The following RABGAP1L variants were observed in gnomAD, a reference collection of about 807,000 sequenced individuals.
RABGAP1L encodes rab GTPase-activating protein 1-like.
Under a neutral mutation model 137.7 loss-of-function variants are expected in RABGAP1L, and 63 were observed. The ratio of observed to expected loss-of-function variants is 0.46; its 90% CI spans 0.37 to 0.56. RABGAP1L has a LOEUF of 0.56. Among genes scored for constraint, RABGAP1L ranks in the 20% least tolerant of loss-of-function variants. The pLI, the probability that RABGAP1L is intolerant of heterozygous loss-of-function variation, is 0.00. For synonymous variants in RABGAP1L, 431 were observed against 433.7 expected (o/e 0.99, Z 0.08); for missense variants, 1,095 against 1,244.0 (o/e 0.88, Z 1.80).
intron 3 of RABGAP1L, among the ~76,000 whole-genome samples, chr1:174,224,797 A>G (rs1204663394): frequency 1.3e-5 from 2 of 152,022 alleles, no homozygotes; most frequent in Admixed American, 6.6e-5. Context: ...TCTTGTCTCC[A>G]TTGTTTCTGA....
At position 174,637,507 on chromosome 1, in the gene RABGAP1L, C is replaced by G. The variant is rs775016401; in HGVS notation, c.1824+19C>G. 3 of 1,511,092 alleles carry G rather than the reference C, an allele frequency of 2.0e-6. No individual in the cohort carries two copies. Among genetic ancestry groups the G allele is most frequent in the Non-Finnish European group, 2.7e-6 (3 of 1,091,328 alleles). 93.6% of individuals were successfully genotyped at this position (1,511,092 alleles called of 1,614,324 possible). ...CTGCAAGGTAGGACTCTCTTCCTCA[C>G]TTTTTCTAAATTATTTTACAGAGCT... On this transcript the variant is annotated intron_variant, in intron 14 of 25. Coordinates refer to ENST00000681986, the MANE Select transcript of RABGAP1L (RefSeq NM_001366446.1).
chr1:174,349,478 C>T (rs1452951437), intron 11 of RABGAP1L, among the ~76,000 whole-genome samples: 3 of 130,936 alleles, frequency 2.3e-5, no homozygotes, highest in African/African-American at 2.9e-5. Flanking sequence ...ACCTCCCTCC[C>T]AGACAGGGCG....
At chr1:174,474,881 G>A (rs779856156) in intron 13 of RABGAP1L, among the ~76,000 whole-genome samples, 2 of 152,058 alleles carry the variant, frequency 1.3e-5, no homozygotes, top group South Asian at 2.1e-4. Flanking sequence ...GATTACAGGC[G>A]TGAGCCACTG....
At chr1:174,341,915 A>G (rs1312273243) in intron 11 of RABGAP1L, among the ~76,000 whole-genome samples, 1 of 152,186 alleles carries the variant, frequency 6.6e-6, no homozygotes, top group African/African-American at 2.4e-5. Context: ...GATAAGTACA[A>G]CCAGCCTTTA....
intron 20 of RABGAP1L, among the ~76,000 whole-genome samples, chr1:174,963,553 T>C (rs1458377467): frequency 6.6e-6 from 1 of 152,014 alleles, no homozygotes; most frequent in Non-Finnish European, 1.5e-5. Flanking sequence ...TTTTCTTTTC[T>C]GTTTAAGTAT....
intron 13 of RABGAP1L, among the ~76,000 whole-genome samples, chr1:174,560,271 G>A (rs1406770646): frequency 6.6e-6 from 1 of 151,972 alleles, no homozygotes; most frequent in Admixed American, 6.6e-5. Flanking sequence ...ACTAAACTGT[G>A]TCTCCACCTT....
chr1:174,892,390 C>T (rs1021263917), intron 19 of RABGAP1L: 7 of 375,814 alleles, frequency 1.9e-5, no homozygotes, highest in Non-Finnish European at 3.1e-5. Context: ...ATTTCCAGCT[C>T]CACCACTATA....
intron 13 of RABGAP1L, among the ~76,000 whole-genome samples, chr1:174,478,561 A>G (rs1398606480): frequency 2.0e-5 from 3 of 152,124 alleles, no homozygotes; most frequent in African/African-American, 4.8e-5. Context: ...TTTAAAAACC[A>G]GGCACCACAT....
intron 11 of RABGAP1L, among the ~76,000 whole-genome samples, chr1:174,325,931 G>C (rs1680400808): frequency 6.6e-6 from 1 of 152,214 alleles, no homozygotes; most frequent in East Asian, 1.9e-4. Context: ...ATGGCCTAGG[G>C]GCCCTTCAGG....
At chr1:174,470,971 T>C (rs12058377) in intron 13 of RABGAP1L, among the ~76,000 whole-genome samples, 53,448 of 151,758 alleles carry the variant, frequency 0.35, 12,064 homozygotes, top group African/African-American at 0.64. Context: ...ACATTACATA[T>C]TAAGCTTTTT....
At chr1:174,851,420 A>G (rs1278276096) in intron 19 of RABGAP1L, among the ~76,000 whole-genome samples, 6 of 136,430 alleles carry the variant, frequency 4.4e-5, no homozygotes, top group African/African-American at 1.3e-4. Flanking sequence ...ACTTTCTCCA[A>G]TTGTGCAGAG....
rs748961622 is a variant in RABGAP1L, at chr1:174,429,888, A to G, written c.1710+35743A>G. On this transcript the variant is annotated intron_variant, in intron 13 of 25. Transcript: ENST00000681986. ...CAGCCATTTCCAGCCAAGTTAGTCT[A>G]TAAATACTGGGGAAATGTGTCATGT... 9.8e-5 allele frequency among the ~76,000 whole-genome samples: 15 copies of G among 152,322 alleles called. 1 individual carries two copies. The East Asian group carries it at 2.7e-3, about 27-fold the overall frequency.
Position 174,761,370 on chromosome 1 carries a change from C to T in RABGAP1L, c.2211+9016C>T, listed in dbSNP as rs576267783. ...GGCGCTCCTCACTTGCCAGACAGTG[C>T]GGGGGCCAGGGAGAGGCACTCCTCA... On this transcript the variant is annotated intron_variant, in intron 18 of 25. Coordinates refer to ENST00000681986, the MANE Select transcript of RABGAP1L (RefSeq NM_001366446.1). This position sits in a 1 kb window ranked among gnomAD's most constrained non-coding sequence, Gnocchi z 4.0. Among the ~76,000 whole-genome samples the T allele has an allele frequency of 5.3e-5, 8 of 152,234 alleles. No individual in the cohort carries two copies. Among genetic ancestry groups the T allele is most frequent in the South Asian group, 2.1e-4 (1 of 4,822 alleles).
chr1:174,607,828 T>A (rs1476838730), intron 13 of RABGAP1L, among the ~76,000 whole-genome samples: 6 of 152,208 alleles, frequency 3.9e-5, no homozygotes, highest in Admixed American at 6.5e-5. Flanking sequence ...AAATGTGTGT[T>A]TTAGAAACCT....
In RABGAP1L at chr1:174,978,910, C is replaced by A; in HGVS notation, c.2733+20C>A. 1 of 1,482,760 alleles carries A rather than the reference C, an allele frequency of 6.7e-7. No individual in the cohort carries two copies. The allele number at this position is 1,482,760 out of a possible 1,614,324, so 91.9% of individuals were successfully genotyped here. On this transcript the variant is annotated intron_variant, in intron 23 of 25. Transcript: ENST00000681986. ...AAACAGGTAATGTACTTCTGTGGCACATAGAGCTAGTTATAGTTTGCTGCT... is the reference window on the plus strand; with the variant it reads ...AAACAGGTAATGTACTTCTGTGGCAAATAGAGCTAGTTATAGTTTGCTGCT...
intron 13 of RABGAP1L, among the ~76,000 whole-genome samples, chr1:174,413,757 A>G (rs1650212343): frequency 1.3e-5 from 2 of 152,050 alleles, no homozygotes; most frequent in Admixed American, 1.3e-4. Context: ...TTCTTTGGGC[A>G]AGTTTTATAT....
chr1:174,432,833 G>T (rs1652807322), intron 13 of RABGAP1L, among the ~76,000 whole-genome samples: 1 of 152,154 alleles, frequency 6.6e-6, no homozygotes, highest in Non-Finnish European at 1.5e-5. Context: ...ACTGTGCCTG[G>T]CTGATATTTC....
intron 7 of RABGAP1L, among the ~76,000 whole-genome samples, chr1:174,263,535 A>AT (rs1673779439): frequency 6.6e-6 from 1 of 152,104 alleles, no homozygotes; most frequent in African/African-American, 2.4e-5. Context: ...AGTTTCTGAT[A>AT]TTTTTCCAGG....
intron 10 of RABGAP1L, among the ~76,000 whole-genome samples, chr1:174,298,150 G>C (rs1307620933): frequency 1.3e-5 from 2 of 152,170 alleles, no homozygotes; most frequent in Admixed American, 1.3e-4. Flanking sequence ...AGAAAGAGGG[G>C]AGCAGGCGTC....
Sources: gnomAD v4.1 joint callset for allele counts (sites outside exome capture counted in the v4.1 genomes callset) on GRCh38, gnomAD v4.1.1 for gene constraint, Gnocchi (gnomAD v3.1) non-coding constraint, MANE v1.5 for transcripts, NCBI Gene and HGNC (gene_info 2026-07-23, HGNC 2026-07-21) for gene names.